Variants in ANXA3 observed in about 807,000 individuals in gnomAD.
ANXA3 encodes annexin A3.
A neutral mutation model predicts 48.8 loss-of-function variants in ANXA3; 46 were observed. That is an observed-to-expected ratio of 0.94 (90% CI 0.74 to 1.21). The LOEUF is 1.21. Among genes scored for constraint, ANXA3 ranks in the 50% most tolerant of loss-of-function variants. The pLI, the probability that ANXA3 is intolerant of heterozygous loss-of-function variation, is 0.00. For synonymous variants in ANXA3, 128 were observed against 134.7 expected, an observed-to-expected ratio of 0.95 and a Z score of 0.35; for missense variants, 383 against 378.6, an observed-to-expected ratio of 1.01 and a Z score of -0.10.
intron 10 of ANXA3, among the ~76,000 whole-genome samples, chr4:78,598,574 C>T (rs1723474029): frequency 6.6e-6 from 1 of 151,612 alleles, no homozygotes; most frequent in African/African-American, 2.4e-5. Flanking sequence ...GAGTCTCGCT[C>T]GGTTGCCCAA....
chr4:78,604,444 T>C lies in ANXA3; in HGVS notation c.912+45T>C, dbSNP rs374425985. ...TAGCAAAACATATTTTGCCCTTCTC[T>C]ACCCATCTCCTTACTCTTATATGCC... is the stretch of plus-strand genomic sequence containing the variant. On this transcript the variant is annotated intron_variant, in intron 12 of 12. Coordinates refer to ENST00000264908, the MANE Select transcript of ANXA3 (RefSeq NM_005139.3). 6 of 1,460,350 alleles carry C rather than the reference T, an allele frequency of 4.1e-6. No homozygotes were observed. In the African/African-American group the frequency reaches 4.3e-5, roughly 10 times the overall value. The allele number at this position is 1,460,350 out of a possible 1,614,324, so 90.5% of individuals were successfully genotyped here.
At chr4:78,555,979 A>T (rs192233720) in intron 2 of ANXA3, among the ~76,000 whole-genome samples, 9 of 152,166 alleles carry the variant, frequency 5.9e-5, no homozygotes, top group Admixed American at 1.3e-4. Context: ...TGGCAAGGTG[A>T]TATTTTTATT....
At chr4:78,591,829 A>T (rs919906348) in intron 7 of ANXA3, among the ~76,000 whole-genome samples, 1 of 152,250 alleles carries the variant, frequency 6.6e-6, no homozygotes, top group Non-Finnish European at 1.5e-5. Context: ...GTAACAACAA[A>T]GAAAACTTAT....
rs776580900 is a variant in ANXA3, at chr4:78,573,136, G to T, written c.16-44G>T. The T allele has an allele frequency of 2.9e-6, 4 of 1,395,978 alleles. No homozygotes were observed. In the South Asian group the frequency reaches 4.6e-5, roughly 16 times the overall value. The allele number at this position is 1,395,978 out of a possible 1,614,324, so 86.5% of individuals were successfully genotyped here. ...GAATATGCATATGTAATACAAGAAA[G>T]ATGTCATTTTGAACCAATGGGACTT... On this transcript the variant is annotated intron_variant, in intron 2 of 12. Coordinates refer to ENST00000264908, the MANE Select transcript of ANXA3 (RefSeq NM_005139.3).
intron 3 of ANXA3, among the ~76,000 whole-genome samples, chr4:78,577,150 G>A (rs1722973151): frequency 6.6e-6 from 1 of 152,240 alleles, no homozygotes; most frequent in East Asian, 1.9e-4. Flanking sequence ...TAGTTTACAG[G>A]AATAATTATA....
chr4:78,583,656 G>T (rs1723118507), intron 5 of ANXA3, among the ~76,000 whole-genome samples: 1 of 151,722 alleles, frequency 6.6e-6, no homozygotes, highest in South Asian at 2.1e-4. Flanking sequence ...AAGAAGAATT[G>T]GTTACATGAT....
chr4:78,591,553 A>C lies in ANXA3; in HGVS notation c.413A>C (p.Lys138Thr), dbSNP rs994226378. The part of the protein sequence containing the change: ...ISQAYYTVYK[K>T]SLGDDISSET... ...TCTGATTTGGTTTCAGTATACAAGA[A>C]GAGTCTTGGAGATGACATTAGTTCC... The change falls in exon 7 of 13, where the codon AAG becomes ACG. Residue 138 changes from lysine (K) to threonine (T), a missense_variant. Transcript: ENST00000264908. 1.6e-5 allele frequency: 26 copies of C among 1,610,540 alleles called. No individual in the cohort carries two copies. The highest frequency in any genetic ancestry group is 2.0e-5 in the Non-Finnish European group (24 of 1,177,450).
intron 1 of ANXA3, among the ~76,000 whole-genome samples, chr4:78,553,412 C>T (rs1488945225): frequency 1.3e-5 from 2 of 152,150 alleles, no homozygotes; most frequent in Non-Finnish European, 2.9e-5. Context: ...AAACTGACCT[C>T]GTTCAATGCT....
chr4:78,608,683 T>A (rs1406273902), intron 12 of ANXA3, among the ~76,000 whole-genome samples: 3 of 152,142 alleles, frequency 2.0e-5, no homozygotes, highest in Non-Finnish European at 2.9e-5. Flanking sequence ...AAACAGACAG[T>A]GGCGCCATTC....
At chr4:78,553,354 T>C (rs1722439896) in intron 1 of ANXA3, among the ~76,000 whole-genome samples, 1 of 152,330 alleles carries the variant, frequency 6.6e-6, no homozygotes, top group African/African-American at 2.4e-5. Context: ...TTTTTAAATA[T>C]CTACCGTGCA....
chr4:78,590,846 A>T (rs751556719), intron 6 of ANXA3, among the ~76,000 whole-genome samples: 5 of 150,508 alleles, frequency 3.3e-5, no homozygotes, highest in Admixed American at 6.6e-5. Flanking sequence ...GTTTATTTCT[A>T]TCATATGTAG....
intron 7 of ANXA3, among the ~76,000 whole-genome samples, chr4:78,593,625 CATTATTATT>C (rs568701695): frequency 2.7e-5 from 4 of 146,934 alleles, no homozygotes; most frequent in East Asian, 2.0e-4. Context: ...CTTTCCTTTC[CATTATTATT>C]ATTATTATTA....
At chr4:78,596,548 G>A (rs1723428195) in intron 9 of ANXA3, among the ~76,000 whole-genome samples, 2 of 152,222 alleles carry the variant, frequency 1.3e-5, no homozygotes, top group Non-Finnish European at 2.9e-5. Flanking sequence ...ATGCTGAGTT[G>A]ACGGAACAAT....
At chr4:78,588,188 T>A (rs1385780013) in intron 6 of ANXA3, among the ~76,000 whole-genome samples, 2 of 151,788 alleles carry the variant, frequency 1.3e-5, no homozygotes, top group Non-Finnish European at 2.9e-5. Flanking sequence ...GCCAAGGAGT[T>A]TAAGACCAGC....
intron 10 of ANXA3, 46 bp from the exon 11 acceptor site, chr4:78,601,464 C>T: frequency 6.4e-7 from 1 of 1,572,442 alleles, no homozygotes; most frequent in Non-Finnish European, 8.8e-7. Flanking sequence ...TAGATTAACC[C>T]AATTTCTATT....
At chr4:78,586,994 G>C (rs568219523) in intron 6 of ANXA3, among the ~76,000 whole-genome samples, 1 of 152,276 alleles carries the variant, frequency 6.6e-6, no homozygotes, top group South Asian at 2.1e-4. Flanking sequence ...TACCCTCTCA[G>C]GTTGAATAGC....
chr4:78,593,999 A>G (rs1409375594), intron 7 of ANXA3, among the ~76,000 whole-genome samples: 1 of 152,070 alleles, frequency 6.6e-6, no homozygotes, highest in African/African-American at 2.4e-5. Context: ...TCATATGTCT[A>G]TCATTACAGT....
At chr4:78,596,578 A>C (rs1392453955) in intron 9 of ANXA3, among the ~76,000 whole-genome samples, 1 of 152,242 alleles carries the variant, frequency 6.6e-6, no homozygotes, top group African/African-American at 2.4e-5. Flanking sequence ...TAAGGATATT[A>C]CTGTGACTTT....
At chr4:78,574,318 G>A (rs1034776689) in intron 3 of ANXA3, among the ~76,000 whole-genome samples, 7 of 152,148 alleles carry the variant, frequency 4.6e-5, no homozygotes, top group African/African-American at 1.4e-4. Flanking sequence ...TACTTGGGAG[G>A]CTGAGGTAGG....
Sources: gnomAD v4.1 joint callset for allele counts (sites outside exome capture counted in the v4.1 genomes callset) on GRCh38, gnomAD v4.1.1 for gene constraint, MANE v1.5 for transcripts, NCBI Gene and HGNC (gene_info 2026-07-23, HGNC 2026-07-21) for gene names.